Variants in KNSTRN observed in about 807,000 individuals in gnomAD.
KNSTRN encodes small kinetochore-associated protein.
In KNSTRN, 38 loss-of-function variants were observed where a neutral mutation model predicts 44.7. That is an observed-to-expected ratio of 0.85 (90% confidence interval 0.66 to 1.11). The LOEUF (loss-of-function observed/expected upper bound fraction) is 1.11. KNSTRN is among the 50% of genes most tolerant of loss of function. KNSTRN has a pLI of 0.00. For missense variants in KNSTRN, 406 were observed against 375.8 expected, an observed-to-expected ratio of 1.08 and a Z score of -0.66; for synonymous variants, 158 against 148.1, an observed-to-expected ratio of 1.07 and a Z score of -0.48.
Position 40,388,187 on chromosome 15 carries a change from C to T in KNSTRN, c.485+981C>T, listed in dbSNP as rs551057677. On this transcript the variant is annotated intron_variant, in intron 4 of 8. Coordinates refer to ENST00000249776, the MANE Select transcript of KNSTRN (RefSeq NM_033286.4). ...AGGTGTGAAGTGGGAAATCAGGGGT[C>T]TCACAGCCTTCAGAGCTGAGAGCCC... 2.0e-5 allele frequency among the ~76,000 whole-genome samples: 3 copies of T among 152,306 alleles called. 1 individual carries two copies. In the South Asian group the frequency reaches 6.2e-4, roughly 32 times the overall value.
At chr15:40,388,196 T>C (rs1024888902) in intron 4 of KNSTRN, among the ~76,000 whole-genome samples, 1 of 152,224 alleles carries the variant, frequency 6.6e-6, no homozygotes, top group African/African-American at 2.4e-5. Context: ...TCTCACAGCC[T>C]TCAGAGCTGA....
intron 4 of KNSTRN, 174 bp from the exon 5 acceptor site, chr15:40,389,332 T>C (rs1477944916): frequency 1.1e-5 from 6 of 568,146 alleles, no homozygotes; most frequent in African/African-American, 1.9e-5. Context: ...GTAATTTTAG[T>C]AGAGACAGGG....
Position 40,382,751 on chromosome 15 carries a change from C to A in KNSTRN, c.-85C>A. Reference sequence around the variant, plus strand: ...CTCCATTCAAGCCTACAAATTGCATCACCCTCCTCCTCTGCCCAGACCTGG... The same window carrying A: ...CTCCATTCAAGCCTACAAATTGCATAACCCTCCTCCTCTGCCCAGACCTGG... On this transcript the variant is annotated 5_prime_UTR_variant, in exon 1 of 9. Coordinates refer to ENST00000249776, the MANE Select transcript of KNSTRN (RefSeq NM_033286.4). The A allele has an allele frequency of 8.2e-7, 1 of 1,222,126 alleles. No individual in the cohort carries two copies. Among genetic ancestry groups the A allele is most frequent in the Non-Finnish European group, 1.1e-6 (1 of 872,640 alleles). The allele number at this position is 1,222,126 out of a possible 1,614,324, so 75.7% of individuals were successfully genotyped here. A position where few individuals can be genotyped will look rare whatever the true frequency, so the allele number is the denominator to read the frequency against.
intron 4 of KNSTRN, among the ~76,000 whole-genome samples, chr15:40,388,188 T>TCA (rs1889933630): frequency 6.6e-6 from 1 of 152,222 alleles, no homozygotes; most frequent in Non-Finnish European, 1.5e-5. Context: ...ATCAGGGGTC[T>TCA]CACAGCCTTC....
chr15:40,388,401 G>A (rs1889936958), intron 4 of KNSTRN, among the ~76,000 whole-genome samples: 1 of 152,166 alleles, frequency 6.6e-6, no homozygotes, highest in African/African-American at 2.4e-5. Context: ...ATTGTTTGTG[G>A]CTTAAGAATG....
In KNSTRN at chr15:40,391,536, T is replaced by G; in HGVS notation, c.729T>G (p.Thr243=). The G allele has an allele frequency of 6.2e-7, 1 of 1,613,938 alleles. No individual in the cohort carries two copies. The highest frequency in any genetic ancestry group is 8.5e-7 in the Non-Finnish European group (1 of 1,179,838). Reference sequence around the variant, plus strand: ...TGGCATCACGACAAGAATCCACTACTGATCACATGGACTCTATGGTGAGGG... The same window carrying G: ...TGGCATCACGACAAGAATCCACTACGGATCACATGGACTCTATGGTGAGGG... ...ETLASRQEST[T]DHMDSMLLLE... is the part of the protein sequence containing the mutation. Residue 243 remains threonine, a synonymous_variant, in exon 7 of 9, where the codon ACT becomes ACG. Transcript: ENST00000249776.
intron 3 of KNSTRN, 162 bp downstream of exon 3, chr15:40,386,656 CT>C: frequency 3.0e-6 from 2 of 667,034 alleles, no homozygotes; most frequent in Non-Finnish European, 5.0e-6. Flanking sequence ...TGCCAGAACC[CT>C]CTGTGTTGAT....
intron 8 of KNSTRN, 79 bp from the exon 9 acceptor site, chr15:40,393,390 C>G (rs980454084): frequency 1.3e-6 from 2 of 1,592,896 alleles, no homozygotes; most frequent in Non-Finnish European, 1.7e-6. Context: ...GCATAATGTT[C>G]TGATGTGGGA....
intron 2 of KNSTRN, chr15:40,383,527 T>C: frequency 1.8e-6 from 1 of 560,378 alleles, no homozygotes; most frequent in Non-Finnish European, 3.2e-6. Context: ...TGCTCTGCAC[T>C]TTTCTGCCCG....
intron 3 of KNSTRN, 187 bp from the exon 4 acceptor site, chr15:40,386,971 TA>T: frequency 1.6e-6 from 1 of 614,026 alleles, no homozygotes; most frequent in Non-Finnish European, 2.9e-6. Flanking sequence ...CCTTTGCTAC[TA>T]AAAAGCCTTT....
At chr15:40,391,830 T>G in intron 7 of KNSTRN, 119 bp from the exon 8 acceptor site, 1 of 797,936 alleles carries the variant, frequency 1.3e-6, no homozygotes, top group East Asian at 2.5e-5. Context: ...TTCTATACTT[T>G]ATCAAATTTC....
At chr15:40,387,118 C>T in intron 3 of KNSTRN, 41 bp from the exon 4 acceptor site, 2 of 1,469,502 alleles carry the variant, frequency 1.4e-6, no homozygotes, top group East Asian at 2.3e-5. Context: ...CTTAACAGTA[C>T]TGTAAGTCTC....
Position 40,393,651 on chromosome 15 carries a change from C to G in KNSTRN, c.*54C>G. ...CTTGGGCATAAAATCTCAGAGGAAG[C>G]TACTTAGGACATCATCTTGGCCATG... On this transcript the variant is annotated 3_prime_UTR_variant, in exon 9 of 9. Coordinates refer to ENST00000249776, the MANE Select transcript of KNSTRN (RefSeq NM_033286.4). The G allele has an allele frequency of 1.3e-6, 2 of 1,503,650 alleles. No homozygotes were observed. Among genetic ancestry groups the G allele is most frequent in the Non-Finnish European group, 1.8e-6 (2 of 1,096,856 alleles). 93.1% of individuals were successfully genotyped at this position (1,503,650 alleles called of 1,614,324 possible). A position where few individuals can be genotyped will look rare whatever the true frequency, so the allele number is the denominator to read the frequency against.
At chr15:40,391,786 G>C (rs1273059844) in intron 7 of KNSTRN, 163 bp from the exon 8 acceptor site, 1 of 674,884 alleles carries the variant, frequency 1.5e-6, no homozygotes, top group Non-Finnish European at 2.5e-6. Flanking sequence ...CACATAATAG[G>C]TAAACCTGTA....
intron 2 of KNSTRN, among the ~76,000 whole-genome samples, chr15:40,383,796 GGA>G (rs945727307): frequency 6.6e-6 from 1 of 152,188 alleles, no homozygotes. Flanking sequence ...GAGTGAAGTG[GGA>G]GAGAGGGGTT....
chr15:40,391,461 C>T, intron 6 of KNSTRN, 32 bp from the exon 7 acceptor site: 1 of 1,592,182 alleles, frequency 6.3e-7, no homozygotes, highest in Non-Finnish European at 8.6e-7. Context: ...GTGTAGTTCC[C>T]TAAGTGAGAT....
In KNSTRN at chr15:40,383,085, G is replaced by A. The variant is rs535869152; in HGVS notation, c.209+41G>A. 1.1e-5 allele frequency: 18 copies of A among 1,602,338 alleles called. No homozygotes were observed. The South Asian group carries it at 1.5e-4, about 14-fold the overall frequency. On this transcript the variant is annotated intron_variant, in intron 1 of 8. Coordinates refer to ENST00000249776, the MANE Select transcript of KNSTRN (RefSeq NM_033286.4). Reference sequence around the variant, plus strand: ...GGCGAGGGACTGGGCTGGATGGGAGGAAGGACGGAATGAGCTGGGAAAGGA... The same window carrying A: ...GGCGAGGGACTGGGCTGGATGGGAGAAAGGACGGAATGAGCTGGGAAAGGA...
chr15:40,382,772 C>T lies in KNSTRN; in HGVS notation c.-64C>T. ...GCATCACCCTCCTCCTCTGCCCAGA[C>T]CTGGGGGCTCCAACACCTTTCGCTA... is the stretch of plus-strand genomic sequence containing the variant. On this transcript the variant is annotated 5_prime_UTR_variant, in exon 1 of 9. Coordinates refer to ENST00000249776, the MANE Select transcript of KNSTRN (RefSeq NM_033286.4). 6.8e-7 allele frequency: 1 copy of T among 1,459,930 alleles called. No individual in the cohort carries two copies. Among genetic ancestry groups the T allele is most frequent in the Non-Finnish European group, 9.4e-7 (1 of 1,064,604 alleles). The allele number at this position is 1,459,930 out of a possible 1,614,324, so 90.4% of individuals were successfully genotyped here. A position where few individuals can be genotyped will look rare whatever the true frequency, so the allele number is the denominator to read the frequency against.
chr15:40,388,355 C>T (rs1290345683), intron 4 of KNSTRN, among the ~76,000 whole-genome samples: 1 of 152,226 alleles, frequency 6.6e-6, no homozygotes, highest in African/African-American at 2.4e-5. Flanking sequence ...TTAACTGCAG[C>T]AGGAACACGC....
Sources: allele counts gnomAD v4.1 joint callset (sites outside exome capture counted in the v4.1 genomes callset), GRCh38; gene constraint gnomAD v4.1.1; transcripts MANE v1.5; gene names NCBI Gene and HGNC (gene_info 2026-07-23, HGNC 2026-07-21).